Variants in COL28A1 observed in about 807,000 individuals in gnomAD.
COL28A1 encodes collagen alpha-1(XXVIII) chain.
COL28A1 carries 161 observed loss-of-function variants against 150.2 expected under a neutral mutation model. That is an observed-to-expected ratio of 1.07 (90% confidence interval 0.94 to 1.22). The LOEUF is 1.22. Among genes scored for constraint, COL28A1 ranks in the 50% most tolerant of loss-of-function variants. The pLI, the probability that COL28A1 is intolerant of heterozygous loss-of-function variation, is 0.00. For synonymous variants in COL28A1, 552 were observed against 469.7 expected (o/e 1.18, Z -2.26); for missense variants, 1,617 against 1,388.3 (o/e 1.16, Z -2.62).
chr7:7,396,740 A>G (rs1048775974), intron 27 of COL28A1, among the ~76,000 whole-genome samples: 8 of 152,234 alleles, frequency 5.3e-5, no homozygotes, highest in Admixed American at 2.6e-4. Context: ...TAATGGAACA[A>G]AAACATGGCT....
In COL28A1 at chr7:7,478,866, C is replaced by T. The variant is rs147949399; in HGVS notation, c.1165-1686G>A. On this transcript the variant is annotated intron_variant, in intron 13 of 34. Coordinates refer to ENST00000399429, the MANE Select transcript of COL28A1 (RefSeq NM_001037763.3). ...GGGGCCCGCCAAGCCCATGCCCACC[C>T]GGAATTCTAGCTGGCCTGCAAGCGC... Among the ~76,000 whole-genome samples the T allele has an allele frequency of 2.2e-3, 331 of 152,348 alleles. 1 individual carries two copies. Among genetic ancestry groups the T allele is most frequent in the African/African-American group, 7.4e-3 (309 of 41,590 alleles).
downstream of COL28A1, among the ~76,000 whole-genome samples, chr7:7,352,346 C>T (rs909171990): frequency 6.6e-6 from 1 of 152,088 alleles, no homozygotes; most frequent in Admixed American, 6.6e-5. Flanking sequence ...GAATAATGGC[C>T]CCAGAGATGT....
chr7:7,455,997 G>A, intron 16 of COL28A1, 47 bp downstream of exon 16: 5 of 1,610,310 alleles, frequency 3.1e-6, no homozygotes, highest in Non-Finnish European at 3.4e-6. Context: ...ACCAGGATTG[G>A]GCTGGAATGT....
rs921919913 is a variant in COL28A1 at position 7,432,669 on chromosome 7, G to A, written c.1892C>T (p.Ala631Val). 1.2e-6 allele frequency: 2 copies of A among 1,613,936 alleles called. No homozygotes were observed. The change falls in exon 24 of 35, where the codon GCT (alanine) becomes GTT (valine). Residue 631 changes from alanine to valine, a missense_variant. Coordinates refer to ENST00000399429, the MANE Select transcript of COL28A1 (RefSeq NM_001037763.3). Reference protein sequence around the residue: ...GVQGPRGPVGAPGLKGDGYPG... With the variant: ...GVQGPRGPVGVPGLKGDGYPG... ...ATAGCCATCACCTTTGAGTCCTGGA[G>A]CACCCACTGGTCCCCGAGGGCCTTG...
rs1032543688 is a variant in COL28A1 at position 7,531,700 on chromosome 7, G to A, written c.329C>T (p.Ser110Phe). The change falls in exon 3 of 35, where the codon TCC becomes TTC. Residue 110 changes from serine (S) to phenylalanine (F), a missense_variant. Transcript: ENST00000399429. ...CTTAAATGTCTGCAGGTCCTTCCAG[G>A]AAGAAAAAGGTGGATCAATTTGGAC... ...SSVQIDPPFS[S>F]WKDLQTFKQK... 3 of 1,597,912 alleles carry A rather than the reference G, an allele frequency of 1.9e-6. No individual in the cohort carries two copies. The highest frequency in any genetic ancestry group is 2.6e-6 in the Non-Finnish European group (3 of 1,165,282).
chr7:7,350,043 C>T, the COL28A1 span, among the ~76,000 whole-genome samples: 1 of 152,004 alleles, frequency 6.6e-6, no homozygotes, highest in African/African-American at 2.4e-5. Context: ...AAAGGTTTGC[C>T]CTTTATCTTA....
intron 25 of COL28A1, among the ~76,000 whole-genome samples, chr7:7,427,837 C>G (rs1784730965): frequency 1.3e-5 from 2 of 152,274 alleles, no homozygotes; most frequent in Admixed American, 1.3e-4. Flanking sequence ...AACAATCCAA[C>G]TGCACACACA....
chr7:7,530,729 T>C (rs1427071008), intron 3 of COL28A1, among the ~76,000 whole-genome samples: 1 of 152,132 alleles, frequency 6.6e-6, no homozygotes, highest in Non-Finnish European at 1.5e-5. Context: ...GTGGGACTCA[T>C]TGATTTGATG....
At chr7:7,410,654 T>A (rs925405422) in intron 27 of COL28A1, among the ~76,000 whole-genome samples, 3 of 150,776 alleles carry the variant, frequency 2.0e-5, no homozygotes, top group Non-Finnish European at 4.4e-5. Flanking sequence ...TTTTTTTTTT[T>A]AAATGCTGTT....
chr7:7,397,698 T>C (rs541242673), intron 27 of COL28A1, among the ~76,000 whole-genome samples: 2 of 152,334 alleles, frequency 1.3e-5, no homozygotes, highest in Admixed American at 6.5e-5. Flanking sequence ...ATTTGCTCCA[T>C]AGGGATAAGT....
At chr7:7,431,598 T>C (rs1237057167) in intron 25 of COL28A1, 2 of 471,156 alleles carry the variant, frequency 4.2e-6, no homozygotes, top group Admixed American at 2.3e-5. Flanking sequence ...TGACAGAAGC[T>C]GCAGTCGGGG....
At chr7:7,380,919 G>C (rs1435671659) in intron 28 of COL28A1, 57 bp from the exon 29 acceptor site, 5 of 1,474,016 alleles carry the variant, frequency 3.4e-6, no homozygotes, top group Non-Finnish European at 4.7e-6. Context: ...AGCCAGATAA[G>C]AAAAGCTCTA....
In COL28A1 at chr7:7,531,451, A is replaced by T; in HGVS notation, c.578T>A (p.Val193Glu). 6.3e-7 allele frequency: 1 copy of T among 1,595,958 alleles called. No individual in the cohort carries two copies. The highest frequency in any genetic ancestry group is 8.6e-7 in the Non-Finnish European group (1 of 1,163,664). ...ISFITIALST[V>E]VNEAKLRLIS... ...CAAACGAAGTTTGGCTTCATTGACTACCGTAGAAAGTGCAATGGTGATAAA... is the reference window on the plus strand; with the variant it reads ...CAAACGAAGTTTGGCTTCATTGACTTCCGTAGAAAGTGCAATGGTGATAAA... Residue 193 changes from valine (V) to glutamate (E), a missense_variant, in exon 3 of 35, where the codon GTA becomes GAA. By Grantham distance (121) the Val-to-Glu change is moderately radical. Coordinates refer to ENST00000399429, the MANE Select transcript of COL28A1 (RefSeq NM_001037763.3).
rs912189842 is a variant in COL28A1, at chr7:7,358,573, G to A, written c.*60C>T. 1.0e-5 allele frequency: 15 copies of A among 1,477,044 alleles called. No homozygotes were observed. The highest frequency in any genetic ancestry group is 1.4e-5 in the African/African-American group (1 of 72,002). 91.5% of individuals were successfully genotyped at this position (1,477,044 alleles called of 1,614,324 possible). On this transcript the variant is annotated 3_prime_UTR_variant, in exon 35 of 35. Transcript: ENST00000399429. ...AAATATAGTGCTGTATTTGTATTGG[G>A]TGAATATGTGGAAATTAGGGAGTTC... is the stretch of plus-strand genomic sequence containing the variant.
At chr7:7,406,847 A>G (rs1195520436) in intron 27 of COL28A1, among the ~76,000 whole-genome samples, 2 of 152,162 alleles carry the variant, frequency 1.3e-5, no homozygotes, top group Non-Finnish European at 2.9e-5. Flanking sequence ...AACATACCAG[A>G]TTAGTGGTTT....
chr7:7,346,100 T>C, the COL28A1 span, among the ~76,000 whole-genome samples: 10 of 152,010 alleles, frequency 6.6e-5, no homozygotes, highest in Non-Finnish European at 1.3e-4. Flanking sequence ...GTTTAAGACA[T>C]TCTGAAATAA....
At chr7:7,424,767 C>G (rs1446682420) in intron 25 of COL28A1, among the ~76,000 whole-genome samples, 1 of 152,118 alleles carries the variant, frequency 6.6e-6, no homozygotes. Flanking sequence ...TTCCTCTTGG[C>G]CCGCCAAAGG....
At chr7:7,350,895 G>A in the COL28A1 span, among the ~76,000 whole-genome samples, 1 of 152,166 alleles carries the variant, frequency 6.6e-6, no homozygotes, top group East Asian at 1.9e-4. Context: ...GAAACTGAGT[G>A]TGAAGTTTAA....
At position 7,378,957 on chromosome 7, in the gene COL28A1, C is replaced by G. The variant is rs571787355; in HGVS notation, c.2322+1703G>C. Among the ~76,000 whole-genome samples the G allele has an allele frequency of 2.6e-5, 4 of 152,340 alleles. No individual in the cohort carries two copies. The South Asian group carries it at 8.3e-4, about 32-fold the overall frequency. On this transcript the variant is annotated intron_variant, in intron 30 of 34. Coordinates refer to ENST00000399429, the MANE Select transcript of COL28A1 (RefSeq NM_001037763.3). ...CCTCATTTCCAAGCTCTGTCCAAAT[C>G]CCCTGAAACCACCTGCTGTTTGGCC...
Sources: gnomAD v4.1 joint callset for allele counts (sites outside exome capture counted in the v4.1 genomes callset) on GRCh38, gnomAD v4.1.1 for gene constraint, MANE v1.5 for transcripts, NCBI Gene and HGNC (gene_info 2026-07-23, HGNC 2026-07-21) for gene names.